CRYBG3: variants seen among roughly 807,000 people sequenced by gnomAD.
CRYBG3 encodes the protein very large A-kinase anchor protein.
Under a neutral mutation model 244.2 loss-of-function variants are expected in CRYBG3, and 127 were observed. The ratio of observed to expected loss-of-function variants is 0.52; its 90% CI spans 0.45 to 0.60. The LOEUF is 0.60. Among genes scored for constraint, CRYBG3 ranks in the 20% least tolerant of loss-of-function variants. The probability of loss-of-function intolerance (pLI) is 0.00; values close to 1 mark genes in which losing one functional copy is unlikely to be tolerated. For missense variants in CRYBG3, 3,325 were observed against 3,442.5 expected (o/e 0.97, Z 0.85); for synonymous variants, 1,132 against 1,195.8 (o/e 0.95, Z 1.10).
At chr3:97,828,437 C>T (rs1324461863) in intron 1 of CRYBG3, among the ~76,000 whole-genome samples, 2 of 150,894 alleles carry the variant, frequency 1.3e-5, no homozygotes, top group Admixed American at 1.3e-4. Flanking sequence ...AATCACAGTA[C>T]ATCCATATAG....
intron 17 of CRYBG3, chr3:97,933,036 C>A: frequency 4.8e-6 from 2 of 415,580 alleles, no homozygotes; most frequent in Non-Finnish European, 9.4e-6. Context: ...TAGTAATTCC[C>A]CAGACACAAG....
chr3:97,876,599 T>A lies in CRYBG3; in HGVS notation c.5405T>A (p.Val1802Glu). ...AEEVIKNTEI[V>E]PCVLKVKEAH... ...GAGGTCATTAAGAATACTGAAATAG[T>A]ACCGTGTGTGTTAAAAGTGAAGGAA... The change falls in exon 4 of 22, where the codon GTA (valine) becomes GAA (glutamate). Residue 1802 changes from valine to glutamate, a missense_variant. By Grantham distance (121) the Val-to-Glu change is moderately radical. Around this residue, in one of 4 missense-constraint regions of CRYBG3, gnomAD observed 635 missense variants for 771.7 expected, o/e 0.82. Coordinates refer to ENST00000389622, the MANE Select transcript of CRYBG3 (RefSeq NM_153605.4). 1 of 1,233,646 alleles carries A rather than the reference T, an allele frequency of 8.1e-7. No individual in the cohort carries two copies. Among genetic ancestry groups the A allele is most frequent in the Non-Finnish European group, 1.0e-6 (1 of 989,034 alleles). The allele number at this position is 1,233,646 out of a possible 1,614,324, so 76.4% of individuals were successfully genotyped here. A position where few individuals can be genotyped will look rare whatever the true frequency, so the allele number is the denominator to read the frequency against.
intron 2 of CRYBG3, among the ~76,000 whole-genome samples, chr3:97,852,908 C>G (rs1485119624): frequency 6.6e-6 from 1 of 152,110 alleles, no homozygotes; most frequent in Non-Finnish European, 1.5e-5. Flanking sequence ...TTTTGAAGTG[C>G]ATTTCCTGGA....
chr3:97,907,589 G>A (rs985573480), intron 15 of CRYBG3, among the ~76,000 whole-genome samples: 9 of 146,740 alleles, frequency 6.1e-5, no homozygotes, highest in African/African-American at 7.6e-5. Flanking sequence ...GATCGGTGGT[G>A]ATATCCCCTT....
In CRYBG3 at chr3:97,877,789, A is replaced by G; in HGVS notation, c.6595A>G (p.Met2199Val). 6.2e-7 allele frequency: 1 copy of G among 1,614,100 alleles called. No homozygotes were observed. Among genetic ancestry groups the G allele is most frequent in the Non-Finnish European group, 8.5e-7 (1 of 1,180,010 alleles). The change falls in exon 4 of 22, where the codon ATG becomes GTG. Residue 2199 changes from methionine to valine, a missense_variant. Met to Val is a conservative substitution (Grantham distance 21). Around this residue, in one of 4 missense-constraint regions of CRYBG3, gnomAD observed 450 missense variants for 424.1 expected, o/e 1.06. Coordinates refer to ENST00000389622, the MANE Select transcript of CRYBG3 (RefSeq NM_153605.4). ...TGGAATTTCTAAGAATTCATATGTGATGCCAAATGAACCTACTACCTCCAA... is the reference window on the plus strand; with the variant it reads ...TGGAATTTCTAAGAATTCATATGTGGTGCCAAATGAACCTACTACCTCCAA... ...SVGISKNSYV[M>V]PNEPTTSNLQ... is the part of the protein sequence containing the mutation.
rs2039372812 is a variant in CRYBG3, at chr3:97,876,402, A to G, written c.5208A>G (p.Leu1736=). The change falls in exon 4 of 22, where the codon TTA becomes TTG. Residue 1736 remains leucine, a synonymous_variant. Coordinates refer to ENST00000389622, the MANE Select transcript of CRYBG3 (RefSeq NM_153605.4). ...AGGCTGAAGTGATGCCTGTGAGGTT[A>G]GAAATGGAAAATACTTACCCAAAGG... is the stretch of plus-strand genomic sequence containing the variant. ...IGKAEVMPVR[L]EMENTYPKDT... The G allele has an allele frequency of 1.6e-6, 2 of 1,232,060 alleles. No homozygotes were observed. Among genetic ancestry groups the G allele is most frequent in the South Asian group, 4.1e-5 (1 of 24,328 alleles). The allele number at this position is 1,232,060 out of a possible 1,614,324, so 76.3% of individuals were successfully genotyped here.
chr3:97,944,714 T>C lies in CRYBG3; in HGVS notation c.*1400T>C, dbSNP rs1424502754. ...GAAGTATTATTTAATAAAATTTATG[T>C]TACAGGATAACTTTATTTTAATGGG... On this transcript the variant is annotated 3_prime_UTR_variant, in exon 22 of 22. Coordinates refer to ENST00000389622, the MANE Select transcript of CRYBG3 (RefSeq NM_153605.4). The C allele has an allele frequency of 1.3e-5, 2 of 152,428 alleles. No individual in the cohort carries two copies. Among genetic ancestry groups the C allele is most frequent in the African/African-American group, 2.4e-5 (1 of 41,392 alleles). The allele number at this position is 152,428 out of a possible 1,614,324, so 9.4% of individuals were successfully genotyped here.
chr3:97,868,931 A>T (rs944139759), intron 3 of CRYBG3, among the ~76,000 whole-genome samples: 15 of 152,084 alleles, frequency 9.9e-5, no homozygotes, highest in African/African-American at 3.6e-4. Context: ...CTTCAGAATT[A>T]CTTCTGTGAT....
intron 1 of CRYBG3, among the ~76,000 whole-genome samples, chr3:97,828,436 A>G (rs2038606599): frequency 1.3e-5 from 2 of 152,094 alleles, no homozygotes; most frequent in African/African-American, 4.8e-5. Flanking sequence ...AAATCACAGT[A>G]CATCCATATA....
chr3:97,915,519 C>A, intron 16 of CRYBG3, 91 bp from the exon 17 acceptor site: 2 of 1,389,246 alleles, frequency 1.4e-6, no homozygotes, highest in Non-Finnish European at 2.0e-6. Context: ...TTTCTATGCC[C>A]TACCCCTACC....
chr3:97,873,931 CCTG>C lies in CRYBG3; in HGVS notation c.2742_2744del (p.Ala915del). 6.5e-7 allele frequency: 1 copy of C among 1,535,816 alleles called. No individual in the cohort carries two copies. Among genetic ancestry groups the C allele is most frequent in the Non-Finnish European group, 8.7e-7 (1 of 1,146,824 alleles). On this transcript the variant is annotated inframe_deletion, in exon 4 of 22. Transcript: ENST00000389622. The stretch of plus-strand genomic sequence containing the variant: ...AGAGAATTGCCAAGCTGAGCTTTCT[CCTG>C]CTGCCTCCAAATATGAAGATAAGCC...
chr3:97,927,968 A>C (rs1283407861), intron 17 of CRYBG3, among the ~76,000 whole-genome samples: 4 of 152,118 alleles, frequency 2.6e-5, no homozygotes, highest in Admixed American at 1.3e-4. Flanking sequence ...AATGTGCATT[A>C]GTTCATCCAC....
At chr3:97,893,388 G>A (rs914104820) in intron 11 of CRYBG3, among the ~76,000 whole-genome samples, 18 of 152,220 alleles carry the variant, frequency 1.2e-4, no homozygotes, top group Non-Finnish European at 2.4e-4. Flanking sequence ...TGTTAAAAAA[G>A]GATCTGGGTT....
intron 17 of CRYBG3, among the ~76,000 whole-genome samples, chr3:97,922,934 A>C (rs1010452416): frequency 1.1e-4 from 16 of 152,226 alleles, no homozygotes; most frequent in African/African-American, 3.6e-4. Context: ...ACTTGGAACC[A>C]ACCCGAATGT....
chr3:97,930,245 T>C (rs994475702), intron 17 of CRYBG3, among the ~76,000 whole-genome samples: 2 of 152,178 alleles, frequency 1.3e-5, no homozygotes, highest in Non-Finnish European at 2.9e-5. Flanking sequence ...CTGGCCAGGC[T>C]CCTTGCCATC....
At position 97,876,869 on chromosome 3, in the gene CRYBG3, A is replaced by G; in HGVS notation, c.5675A>G (p.Glu1892Gly). 1 of 1,382,972 alleles carries G rather than the reference A, an allele frequency of 7.2e-7. No individual in the cohort carries two copies. Among genetic ancestry groups the G allele is most frequent in the South Asian group, 2.1e-5 (1 of 47,376 alleles). 85.7% of individuals were successfully genotyped at this position (1,382,972 alleles called of 1,614,324 possible). A position where few individuals can be genotyped will look rare whatever the true frequency, so the allele number is the denominator to read the frequency against. Residue 1892 changes from glutamate (E) to glycine (G), a missense_variant, in exon 4 of 22, where the codon GAA becomes GGA. Coordinates refer to ENST00000389622, the MANE Select transcript of CRYBG3 (RefSeq NM_153605.4). ...GGGGAGGCCATGCTTCCTGCATTTG[A>G]AAGTAAAACACCACAAGAGTATGCT... ...KQGEAMLPAF[E>G]SKTPQEYAEG... is the part of the protein sequence containing the mutation.
In CRYBG3 at chr3:97,873,144, A is replaced by G. The variant is rs1261297082; in HGVS notation, c.1950A>G (p.Leu650=). The part of the protein sequence containing the change: ...KTSLSLDCKK[L]NFSISPPTFV... ...CTCTTAGCCTTGACTGTAAAAAACT[A>G]AATTTCAGTATTTCACCTCCTACCT... is the stretch of plus-strand genomic sequence containing the variant. Residue 650 remains leucine (L), a synonymous_variant, in exon 4 of 22, where the codon CTA becomes CTG. Transcript: ENST00000389622. The G allele has an allele frequency of 3.3e-6, 5 of 1,535,654 alleles. 1 individual carries two copies. Among genetic ancestry groups the G allele is most frequent in the South Asian group, 2.4e-5 (2 of 84,052 alleles).
rs1461842080 is a variant in CRYBG3 at position 97,875,983 on chromosome 3, G to A, written c.4789G>A (p.Val1597Ile). 14 of 1,231,960 alleles carry A rather than the reference G, an allele frequency of 1.1e-5. No individual in the cohort carries two copies. The East Asian group carries it at 4.1e-4, about 36-fold the overall frequency. 76.3% of individuals were successfully genotyped at this position (1,231,960 alleles called of 1,614,324 possible). ...AGCTAATGTTTTTAAAATGGGAGAA[G>A]TATACCAAATGGATGCCGAGAGCTG... Reference protein sequence around the residue: ...PKANVFKMGEVYQMDAESCIE... With the variant: ...PKANVFKMGEIYQMDAESCIE... Residue 1597 changes from valine (V) to isoleucine (I), a missense_variant, in exon 4 of 22, where the codon GTA (valine) becomes ATA (isoleucine). By Grantham distance (29) the Val-to-Ile change is conservative. This residue lies in a region of CRYBG3 where 635 missense variants were observed against 771.7 expected (regional missense o/e 0.82). Coordinates refer to ENST00000389622, the MANE Select transcript of CRYBG3 (RefSeq NM_153605.4).
chr3:97,936,894 C>T lies in CRYBG3; in HGVS notation c.8491C>T (p.Arg2831Cys), dbSNP rs1290475811. 9.9e-6 allele frequency: 16 copies of T among 1,612,420 alleles called. No individual in the cohort carries two copies. In the Admixed American group the frequency reaches 1.0e-4, roughly 10 times the overall value. The change falls in exon 19 of 22, where the codon CGT becomes TGT. Residue 2831 changes from arginine to cysteine, a missense_variant. Physicochemically the swap from Arg to Cys is radical, Grantham distance 180. Coordinates refer to ENST00000389622, the MANE Select transcript of CRYBG3 (RefSeq NM_153605.4). ...CAGATGGAAAACAATTGGTTCCCTCCGTCCTATGAAGCAGGTAAGGAGAAA... is the reference window on the plus strand; with the variant it reads ...CAGATGGAAAACAATTGGTTCCCTCTGTCCTATGAAGCAGGTAAGGAGAAA... ...FSRWKTIGSL[R>C]PMKQPAVYIR...
Sources: gnomAD v4.1 joint callset for allele counts (sites outside exome capture counted in the v4.1 genomes callset) on GRCh38, gnomAD v4.1.1 for gene constraint, gnomAD v4.1.1 regional missense constraint, MANE v1.5 for transcripts, NCBI Gene and HGNC (gene_info 2026-07-23, HGNC 2026-07-21) for gene names.